Variants in ATXN3 observed in about 807,000 individuals in gnomAD.
ATXN3 encodes the protein ataxin-3.
ATXN3 carries 28 observed loss-of-function variants against 58.2 expected under a neutral mutation model. The observed-to-expected ratio is 0.48, with a 90% CI of 0.36 to 0.66. The LOEUF is 0.66. ATXN3 is among the 30% of genes least tolerant of loss of function. ATXN3 has a pLI of 0.00. For missense variants in ATXN3, 321 were observed against 422.1 expected (o/e 0.76, Z 2.10); for synonymous variants, 113 against 138.5 (o/e 0.82, Z 1.29).
chr14:92,088,677 G>T, intron 6 of ATXN3, 53 bp downstream of exon 6: 1 of 1,252,710 alleles, frequency 8.0e-7, no homozygotes, highest in Non-Finnish European at 1.2e-6. Context: ...AATGTGCCTG[G>T]TTATTTAACT....
chr14:92,080,595 G>A, intron 9 of ATXN3: 1 of 291,932 alleles, frequency 3.4e-6, no homozygotes, highest in South Asian at 3.2e-5. Flanking sequence ...GGGCAGTGGT[G>A]CGATCTCGGC....
chr14:92,097,189 G>A (rs10137727), intron 1 of ATXN3, among the ~76,000 whole-genome samples: 147,238 of 151,490 alleles, frequency 0.97, 71,588 homozygotes, highest in East Asian at 1. Context: ...GATTACAGGC[G>A]TGAGCCACTG....
chr14:92,095,735 T>C (rs1344177985), intron 3 of ATXN3, among the ~76,000 whole-genome samples: 3 of 150,132 alleles, frequency 2.0e-5, no homozygotes, highest in African/African-American at 2.4e-5. Flanking sequence ...AGGTCAGGAG[T>C]TGGAGACCAG....
At chr14:92,097,825 C>T (rs1595971057) in intron 1 of ATXN3, among the ~76,000 whole-genome samples, 1 of 152,070 alleles carries the variant, frequency 6.6e-6, no homozygotes, top group Non-Finnish European at 1.5e-5. Context: ...CTGCCAGGCC[C>T]CTACTATGTT....
At chr14:92,081,648 A>C in intron 8 of ATXN3, among the ~76,000 whole-genome samples, 1 of 152,300 alleles carries the variant, frequency 6.6e-6, no homozygotes, top group Middle Eastern at 3.4e-3. Flanking sequence ...CCCATTAATG[A>C]AATTTCAATT....
At chr14:92,079,080 G>A (rs918149710) in intron 9 of ATXN3, among the ~76,000 whole-genome samples, 2 of 151,904 alleles carry the variant, frequency 1.3e-5, no homozygotes, top group Admixed American at 6.6e-5. Flanking sequence ...CAGCTACTTG[G>A]GAGGCTGAAG....
downstream of ATXN3, among the ~76,000 whole-genome samples, chr14:92,057,175 T>C (rs2057476242): frequency 6.6e-6 from 1 of 152,194 alleles, no homozygotes; most frequent in Non-Finnish European, 1.5e-5. Context: ...CCCAGCACTT[T>C]GGGAGGCCAA....
chr14:92,087,476 T>C (rs2062842978), intron 6 of ATXN3, among the ~76,000 whole-genome samples: 3 of 152,192 alleles, frequency 2.0e-5, no homozygotes, highest in Admixed American at 2.0e-4. Flanking sequence ...GGTGAATGGA[T>C]GGATAGATCA....
Position 92,083,137 on chromosome 14 carries a change from T to C in ATXN3, c.597A>G (p.Leu199=), listed in dbSNP as rs201241311. The part of the protein sequence containing the change: ...PKLIGEELAQ[L]KEQRVHKTDL... The stretch of plus-strand genomic sequence containing the variant: ...GGCCTCATTTTTACCTTTGCTCTTT[T>C]AGTTGTGCTAATTCTTCTCCAATAA... Residue 199 remains leucine (L), a synonymous_variant, in exon 7 of 11, where the codon CTA becomes CTG. Coordinates refer to ENST00000644486, the MANE Select transcript of ATXN3 (RefSeq NM_004993.6). The C allele has an allele frequency of 2.4e-5, 39 of 1,610,488 alleles. No individual in the cohort carries two copies. The highest frequency in any genetic ancestry group is 1.6e-4 in the Middle Eastern group (1 of 6,076).
chr14:92,075,188 G>C (rs1005636789), intron 9 of ATXN3, among the ~76,000 whole-genome samples: 1 of 133,020 alleles, frequency 7.5e-6, no homozygotes. Flanking sequence ...TTTTGAGATG[G>C]AGTCTTGCTC....
intron 10 of ATXN3, among the ~76,000 whole-genome samples, chr14:92,069,083 CT>C (rs71301949): frequency 4.4e-4 from 63 of 142,368 alleles, no homozygotes; most frequent in Admixed American, 4.9e-4. Context: ...ATGCTATAAT[CT>C]TTTTTTTTTT....
At chr14:92,070,440 G>A (rs1308302028) in intron 10 of ATXN3, among the ~76,000 whole-genome samples, 1 of 152,024 alleles carries the variant, frequency 6.6e-6, no homozygotes, top group African/African-American at 2.4e-5. Context: ...TTAGCCAGGC[G>A]ATGTGGCGGG....
intron 9 of ATXN3, chr14:92,077,591 GC>G (rs1475977634): frequency 6.6e-6 from 1 of 152,016 alleles, no homozygotes; most frequent in African/African-American, 2.4e-5. Context: ...TTCGTAATCT[GC>G]CTGCCTCGGC....
chr14:92,047,349 A>G (rs1174064252), intron 2 of ATXN3, among the ~76,000 whole-genome samples: 4 of 152,270 alleles, frequency 2.6e-5, no homozygotes, highest in African/African-American at 9.6e-5. Context: ...TTGAACAGGT[A>G]AAATGGGAGA....
intron 9 of ATXN3, among the ~76,000 whole-genome samples, chr14:92,072,396 C>T (rs765659544): frequency 4.4e-4 from 67 of 152,026 alleles, no homozygotes; most frequent in Non-Finnish European, 6.8e-4. Flanking sequence ...ATCCTAAATC[C>T]GAGAATCAGA....
rs759893441 is a variant in ATXN3, at chr14:92,061,280, T to G, written c.*3040A>C. On this transcript the variant is annotated 3_prime_UTR_variant, in exon 11 of 11. Coordinates refer to ENST00000644486, the MANE Select transcript of ATXN3 (RefSeq NM_004993.6). ...AAAAGCACCACCTTAAATAAAATAT[T>G]CTGTGAATTGTAAATTATTTGGCCA... 67 of 152,144 alleles carry G rather than the reference T, an allele frequency of 4.4e-4. No individual in the cohort carries two copies. The highest frequency in any genetic ancestry group is 1.5e-3 in the Admixed American group (23 of 15,278). The allele number at this position is 152,144 out of a possible 1,614,324, so 9.4% of individuals were successfully genotyped here.
At chr14:92,049,255 GAC>G (rs1311626542) in intron 1 of ATXN3, among the ~76,000 whole-genome samples, 2 of 152,154 alleles carry the variant, frequency 1.3e-5, no homozygotes, top group Non-Finnish European at 2.9e-5. Context: ...GAAAGGTAGA[GAC>G]ACGGAGAAGG....
intron 9 of ATXN3, among the ~76,000 whole-genome samples, chr14:92,080,388 T>A (rs989529822): frequency 4.6e-5 from 7 of 152,208 alleles, no homozygotes; most frequent in African/African-American, 1.7e-4. Context: ...TTGGCATTCT[T>A]CTTGTCTTGT....
downstream of ATXN3, among the ~76,000 whole-genome samples, chr14:92,055,491 A>G (rs2057462021): frequency 3.3e-5 from 5 of 152,146 alleles, no homozygotes; most frequent in Admixed American, 2.6e-4. This position sits in a 1 kb window ranked among gnomAD's most constrained non-coding sequence, Gnocchi z 4.5. Context: ...CTGAAACTCC[A>G]TACTCGTTAA....
Sources: gnomAD v4.1 joint callset for allele counts (sites outside exome capture counted in the v4.1 genomes callset) on GRCh38, gnomAD v4.1.1 for gene constraint, Gnocchi (gnomAD v3.1) non-coding constraint, MANE v1.5 for transcripts, NCBI Gene and HGNC (gene_info 2026-07-23, HGNC 2026-07-21) for gene names.